The following SRD5A3 variants were observed in gnomAD, a reference collection of about 807,000 sequenced individuals.
SRD5A3 encodes the protein steroid 5 alpha-reductase 3.
Under a neutral mutation model 34.3 loss-of-function variants are expected in SRD5A3, and 24 were observed. The ratio of observed to expected loss-of-function variants is 0.70; its 90% CI spans 0.51 to 0.99. The LOEUF is 0.99. SRD5A3 is among the 50% of genes least tolerant of loss of function. The pLI, the probability that SRD5A3 is intolerant of heterozygous loss-of-function variation, is 0.00. For missense variants in SRD5A3, 350 were observed against 388.2 expected, an observed-to-expected ratio of 0.90 and a Z score of 0.83; for synonymous variants, 161 against 167.3, an observed-to-expected ratio of 0.96 and a Z score of 0.29.
At chr4:55,353,556 A>C (rs562315227) in intron 1 of SRD5A3, among the ~76,000 whole-genome samples, 1 of 152,300 alleles carries the variant, frequency 6.6e-6, no homozygotes, top group South Asian at 2.1e-4. Context: ...TACCCTGTGG[A>C]GGCTGTATTC....
chr4:55,364,367 A>C, intron 3 of SRD5A3, 96 bp downstream of exon 3: 1 of 1,358,960 alleles, frequency 7.4e-7, no homozygotes, highest in Non-Finnish European at 1.0e-6. Context: ...GACATGCAGA[A>C]GTAAGAGACA....
chr4:55,359,162 C>A, intron 1 of SRD5A3, 184 bp from the exon 2 acceptor site: 1 of 719,078 alleles, frequency 1.4e-6, no homozygotes, highest in Non-Finnish European at 2.3e-6. Flanking sequence ...TTAACTGGTC[C>A]CGTTATTTGA....
At chr4:55,348,374 T>C (rs1051591085) in intron 1 of SRD5A3, among the ~76,000 whole-genome samples, 26 of 152,210 alleles carry the variant, frequency 1.7e-4, no homozygotes, top group African/African-American at 5.5e-4. Flanking sequence ...TGGCAGTGTC[T>C]CCAAAAAATT....
rs962204537 is a variant in SRD5A3, at chr4:55,360,460, T to C, written c.364+972T>C. Among the ~76,000 whole-genome samples the C allele has an allele frequency of 3.3e-5, 5 of 151,552 alleles. No homozygotes were observed. In the South Asian group the frequency reaches 1.0e-3, roughly 32 times the overall value. ...GGCGGAGGTTGCCATGAGCTAAGAT[T>C]GAGCTACTGCACTCCACGCCTGGGC... On this transcript the variant is annotated intron_variant, in intron 2 of 4. Transcript: ENST00000264228.
At chr4:55,348,522 A>G (rs1719077857) in intron 1 of SRD5A3, among the ~76,000 whole-genome samples, 1 of 152,184 alleles carries the variant, frequency 6.6e-6, no homozygotes, top group African/African-American at 2.4e-5. Flanking sequence ...CTTCATTCAC[A>G]AGATGCTTAT....
chr4:55,359,423 T>C lies in SRD5A3; in HGVS notation c.299T>C (p.Leu100Pro). The change falls in exon 2 of 5, where the codon CTG becomes CCG. Residue 100 changes from leucine to proline, a missense_variant. Leu to Pro is a moderately conservative substitution (Grantham distance 98). Transcript: ENST00000264228. Reference sequence around the variant, plus strand: ...TGGTGCCTTACTCAATCTCTGTTCCTGGGAGCACCTTTTCCAAGCTGGCTT... The same window carrying C: ...TGGTGCCTTACTCAATCTCTGTTCCCGGGAGCACCTTTTCCAAGCTGGCTT... Reference protein sequence around the residue: ...LLWCLTQSLFLGAPFPSWLHG... With the variant: ...LLWCLTQSLFPGAPFPSWLHG... 6.2e-7 allele frequency: 1 copy of C among 1,614,120 alleles called. No individual in the cohort carries two copies. Among genetic ancestry groups the C allele is most frequent in the Non-Finnish European group, 8.5e-7 (1 of 1,180,024 alleles).
intron 4 of SRD5A3, among the ~76,000 whole-genome samples, chr4:55,368,145 G>A (rs1217150094): frequency 3.3e-5 from 5 of 152,084 alleles, no homozygotes; most frequent in Non-Finnish European, 7.3e-5. Flanking sequence ...GGGAAGCCAA[G>A]GTAGGAGGAT....
At chr4:55,354,758 C>T (rs1454346455) in intron 1 of SRD5A3, among the ~76,000 whole-genome samples, 5 of 152,230 alleles carry the variant, frequency 3.3e-5, no homozygotes, top group Non-Finnish European at 4.4e-5. Context: ...CTCTTTTCTG[C>T]ATTAGTTTTC....
chr4:55,362,908 C>G (rs1318314413), intron 2 of SRD5A3, among the ~76,000 whole-genome samples: 1 of 149,486 alleles, frequency 6.7e-6, no homozygotes, highest in Non-Finnish European at 1.5e-5. Flanking sequence ...TGCAGTGGCC[C>G]AATCTTGGCT....
In SRD5A3 at chr4:55,346,445, C is replaced by A; in HGVS notation, c.109C>A (p.Pro37Thr). 2 of 1,606,858 alleles carry A rather than the reference C, an allele frequency of 1.2e-6. No individual in the cohort carries two copies. Among genetic ancestry groups the A allele is most frequent in the Non-Finnish European group, 1.7e-6 (2 of 1,177,382 alleles). Residue 37 changes from proline to threonine, a missense_variant, in exon 1 of 5, where the codon CCC becomes ACC. Pro to Thr is a conservative substitution (Grantham distance 38). Coordinates refer to ENST00000264228, the MANE Select transcript of SRD5A3 (RefSeq NM_024592.5). ...GACCCTACTGCTGCAGCTCCTGCCG[C>A]CCGGCCTGCTCCCGGGCTGCGCGAT... is the stretch of plus-strand genomic sequence containing the variant. ...LLTLLLQLLP[P>T]GLLPGCAIFQ...
At chr4:55,348,805 C>T (rs907261294) in intron 1 of SRD5A3, among the ~76,000 whole-genome samples, 2 of 152,172 alleles carry the variant, frequency 1.3e-5, no homozygotes, top group East Asian at 1.9e-4. Context: ...GGTACCTGAA[C>T]CCTGCCTGTT....
At position 55,346,462 on chromosome 4, in the gene SRD5A3, C is replaced by G. The variant is rs776362756; in HGVS notation, c.126C>G (p.Gly42=). The part of the protein sequence containing the change: ...LQLLPPGLLP[G]CAIFQDLIRY... ...TCCTGCCGCCCGGCCTGCTCCCGGG[C>G]TGCGCGATCTTCCAGGACCTGATCC... Residue 42 remains glycine (G), a synonymous_variant, in exon 1 of 5, where the codon GGC becomes GGG. Transcript: ENST00000264228. The G allele has an allele frequency of 1.1e-5, 18 of 1,608,038 alleles. No homozygotes were observed. Among genetic ancestry groups the G allele is most frequent in the Non-Finnish European group, 1.5e-5 (18 of 1,177,790 alleles).
intron 3 of SRD5A3, chr4:55,366,532 CA>C (rs1719904331): frequency 6.6e-6 from 1 of 152,172 alleles, no homozygotes; most frequent in South Asian, 2.1e-4. Flanking sequence ...AACTTGTAAA[CA>C]CTAAAAGACT....
chr4:55,358,822 C>G (rs886909529), intron 1 of SRD5A3, among the ~76,000 whole-genome samples: 1 of 152,098 alleles, frequency 6.6e-6, no homozygotes, highest in Non-Finnish European at 1.5e-5. Flanking sequence ...TAATTTAGGT[C>G]AACCCAATTT....
chr4:55,362,817 C>CGT (rs1263313910), intron 2 of SRD5A3, among the ~76,000 whole-genome samples: 2 of 144,556 alleles, frequency 1.4e-5, no homozygotes, highest in Admixed American at 7.1e-5. Flanking sequence ...GGTGTGCATG[C>CGT]GTGTGTGTGT....
At chr4:55,362,050 C>G (rs1031814338) in intron 2 of SRD5A3, among the ~76,000 whole-genome samples, 1 of 151,788 alleles carries the variant, frequency 6.6e-6, no homozygotes, top group African/African-American at 2.4e-5. Context: ...CTAATCTGTG[C>G]TGATAGGGGT....
At chr4:55,357,340 C>T (rs898271228) in intron 1 of SRD5A3, among the ~76,000 whole-genome samples, 5 of 152,196 alleles carry the variant, frequency 3.3e-5, no homozygotes, top group African/African-American at 7.2e-5. Context: ...AAATTAAGTA[C>T]GTAAAGTGGC....
intron 3 of SRD5A3, 176 bp downstream of exon 3, chr4:55,364,447 A>G: frequency 1.4e-6 from 1 of 718,600 alleles, no homozygotes; most frequent in South Asian, 1.7e-5. Flanking sequence ...GTGGTCGCTT[A>G]CACCTGTAAT....
intron 1 of SRD5A3, among the ~76,000 whole-genome samples, chr4:55,357,421 T>C (rs1719509673): frequency 6.6e-6 from 1 of 152,250 alleles, no homozygotes; most frequent in Non-Finnish European, 1.5e-5. Context: ...CAGCATGTTC[T>C]TGACCTTCCA....
Sources: gnomAD v4.1 joint callset for allele counts (sites outside exome capture counted in the v4.1 genomes callset) on GRCh38, gnomAD v4.1.1 for gene constraint, MANE v1.5 for transcripts, NCBI Gene and HGNC (gene_info 2026-07-23, HGNC 2026-07-21) for gene names.